Variants in ZWINT observed in about 807,000 individuals in gnomAD.
ZWINT encodes ZW10 interacting kinetochore protein.
ZWINT carries 41 observed loss-of-function variants against 41.5 expected under a neutral mutation model. That is an observed-to-expected ratio of 0.99 (90% confidence interval 0.77 to 1.28). The LOEUF (loss-of-function observed/expected upper bound fraction) is 1.28. ZWINT is among the 50% of genes most tolerant of loss of function. The pLI, the probability that ZWINT is intolerant of heterozygous loss-of-function variation, is 0.00. For missense variants in ZWINT, 369 were observed against 329.7 expected, an observed-to-expected ratio of 1.12 and a Z score of -0.92; for synonymous variants, 132 against 126.8, an observed-to-expected ratio of 1.04 and a Z score of -0.28.
rs369450138 is a variant in ZWINT, at chr10:56,358,509, T to C, written c.792+47A>G. 159 of 1,613,886 alleles carry C rather than the reference T, an allele frequency of 9.9e-5. No individual in the cohort carries two copies. The African/African-American group carries it at 2.0e-3, about 20-fold the overall frequency. ...TGGGTAAGGCCAATCTCCCAGCTTC[T>C]GTCTCCACCTGCCAGCCCATGCCCA... On this transcript the variant is annotated intron_variant, in intron 7 of 8. Transcript: ENST00000373944.
chr10:56,359,351 C>T (rs547502633), intron 5 of ZWINT, 125 bp downstream of exon 5: 41 of 858,402 alleles, frequency 4.8e-5, no homozygotes, highest in Non-Finnish European at 6.9e-5. Flanking sequence ...GAGATTCAAG[C>T]CCATGTTGGT....
Position 56,361,182 on chromosome 10 carries a change from C to A in ZWINT, c.41+14G>T, listed in dbSNP as rs775886595. ...AGGCCCGGCCCCAGCTGCCACTTAG[C>A]CGCAAACACTTACTCTAGGGCTGCA... On this transcript the variant is annotated intron_variant, in intron 1 of 8. Coordinates refer to ENST00000373944, the MANE Select transcript of ZWINT (RefSeq NM_007057.4). 8 of 1,613,196 alleles carry A rather than the reference C, an allele frequency of 5.0e-6. No individual in the cohort carries two copies. Among genetic ancestry groups the A allele is most frequent in the Non-Finnish European group, 6.8e-6 (8 of 1,179,936 alleles).
At chr10:56,360,497 G>A (rs1564452722) in intron 1 of ZWINT, 114 bp from the exon 2 acceptor site, 1 of 885,312 alleles carries the variant, frequency 1.1e-6, no homozygotes, top group Admixed American at 2.6e-5. Flanking sequence ...AGTATTGAGA[G>A]TCTTGCCTTG....
chr10:56,360,180 C>A (rs912056320), intron 2 of ZWINT, 39 bp from the exon 3 acceptor site: 1 of 1,612,882 alleles, frequency 6.2e-7, no homozygotes, highest in East Asian at 2.2e-5. Context: ...ACATCCTTAC[C>A]TCCTTACAGG....
chr10:56,361,225 C>T lies in ZWINT; in HGVS notation c.12G>A (p.Ala4=), dbSNP rs1175626949. ...GGGCTGCAGCTTCCGCCTCTGTCTCCGCTGCCTCCATCTTTCCAGGCGCCG... is the reference window on the plus strand; with the variant it reads ...GGGCTGCAGCTTCCGCCTCTGTCTCTGCTGCCTCCATCTTTCCAGGCGCCG... The part of the protein sequence containing the change: MEA[A]ETEAEAAALE... Residue 4 remains alanine, a synonymous_variant, in exon 1 of 9, where the codon GCG becomes GCA. Coordinates refer to ENST00000373944, the MANE Select transcript of ZWINT (RefSeq NM_007057.4). 3 of 1,612,770 alleles carry T rather than the reference C, an allele frequency of 1.9e-6. No homozygotes were observed. The highest frequency in any genetic ancestry group is 1.3e-5 in the African/African-American group (1 of 74,940).
In ZWINT at chr10:56,360,142, C is replaced by G. The variant is rs776059405; in HGVS notation, c.133-1G>C. ...GCAGCTTGTCTTTCTTCTGAGAGTC[C>G]TGCTCAGAGGGAGGGCAGAGACAGG... On this transcript the variant is annotated splice_acceptor_variant, in intron 2 of 8. Transcript: ENST00000373944. LOFTEE classifies it high-confidence loss of function. 1 of 1,613,922 alleles carries G rather than the reference C, an allele frequency of 6.2e-7. No homozygotes were observed. Among genetic ancestry groups the G allele is most frequent in the Non-Finnish European group, 8.5e-7 (1 of 1,180,032 alleles).
Position 56,357,916 on chromosome 10 carries a change from A to C in ZWINT, c.*311T>G. The C allele has an allele frequency of 2.6e-6, 1 of 378,796 alleles. No homozygotes were observed. The highest frequency in any genetic ancestry group is 5.2e-6 in the Non-Finnish European group (1 of 190,850). 23.5% of individuals were successfully genotyped at this position (378,796 alleles called of 1,614,324 possible). A position where few individuals can be genotyped will look rare whatever the true frequency, so the allele number is the denominator to read the frequency against. On this transcript the variant is annotated 3_prime_UTR_variant, in exon 9 of 9. Transcript: ENST00000373944. ...ATTAAATTCACCATGTCTGCATCAT[A>C]GGAGGCCCAAGGCCAGTACCCCCTC...
chr10:56,360,438 A>G, intron 1 of ZWINT, 55 bp from the exon 2 acceptor site: 1 of 1,456,886 alleles, frequency 6.9e-7, no homozygotes, highest in Middle Eastern at 1.7e-4. Context: ...CTAGTTCTAC[A>G]GTTCGTGTGT....
rs760615444 is a variant in ZWINT, at chr10:56,360,045, C to A, written c.229G>T (p.Asp77Tyr). 2 of 1,614,048 alleles carry A rather than the reference C, an allele frequency of 1.2e-6. No individual in the cohort carries two copies. The highest frequency in any genetic ancestry group is 3.3e-5 in the Admixed American group (2 of 60,026). The stretch of plus-strand genomic sequence containing the variant: ...CTCGTGTCTTCAGAAGCCAAGGGGT[C>A]GAGACCCTTAGCAGTGTCCTCCTGA... ...LAQEDTAKGL[D>Y]PLASEDTSRQ... The change falls in exon 3 of 9, where the codon GAC (aspartate) becomes TAC (tyrosine). Residue 77 changes from aspartate (D) to tyrosine (Y), a missense_variant. Coordinates refer to ENST00000373944, the MANE Select transcript of ZWINT (RefSeq NM_007057.4).
Position 56,361,251 on chromosome 10 carries a change from A to C in ZWINT, c.-15T>G. ...GCTGCCTCCATCTTTCCAGGCGCCG[A>C]GTTCAGCTGCCTTCCCACAATCCCT... On this transcript the variant is annotated 5_prime_UTR_variant, in exon 1 of 9. Transcript: ENST00000373944. 6.2e-7 allele frequency: 1 copy of C among 1,609,132 alleles called. No homozygotes were observed.
Position 56,358,168 on chromosome 10 carries a change from G to A in ZWINT, c.*59C>T, listed in dbSNP as rs1422962814. 1 of 739,074 alleles carries A rather than the reference G, an allele frequency of 1.4e-6. No individual in the cohort carries two copies. Among genetic ancestry groups the A allele is most frequent in the Non-Finnish European group, 2.5e-6 (1 of 392,548 alleles). 45.8% of individuals were successfully genotyped at this position (739,074 alleles called of 1,614,324 possible). A position where few individuals can be genotyped will look rare whatever the true frequency, so the allele number is the denominator to read the frequency against. ...TCTTTCCTGTAATGATGGTTGGGAG[G>A]TGAGGGAAGTCAGAGGCCTGGGGAA... On this transcript the variant is annotated 3_prime_UTR_variant, in exon 9 of 9. Transcript: ENST00000373944.
At chr10:56,358,351 A>T (rs752435348) in intron 8 of ZWINT, 26 bp downstream of exon 8, 18 of 1,581,850 alleles carry the variant, frequency 1.1e-5, no homozygotes, top group Non-Finnish European at 1.6e-5. Flanking sequence ...CAGTCCAGGG[A>T]CACCAAGGCC....
At position 56,359,744 on chromosome 10, in the gene ZWINT, C is replaced by T. The variant is rs371918981; in HGVS notation, c.366G>A (p.Glu122=). The change falls in exon 4 of 9, where the codon GAG becomes GAA. Residue 122 remains glutamate (E), a synonymous_variant. Coordinates refer to ENST00000373944, the MANE Select transcript of ZWINT (RefSeq NM_007057.4). ...IGLTKALTQM[E]EAQRKRTQLR... ...GTTGTGTCCGTTTCCTCTGGGCTTC[C>T]TCCATCTGAGTCAGGGCCTTGGTGA... The T allele has an allele frequency of 5.8e-5, 94 of 1,614,070 alleles. No individual in the cohort carries two copies. Among genetic ancestry groups the T allele is most frequent in the Non-Finnish European group, 7.7e-5 (91 of 1,180,048 alleles).
Position 56,358,811 on chromosome 10 carries a change from A to C in ZWINT, c.617T>G (p.Leu206Arg), listed in dbSNP as rs1458797899. Reference protein sequence around the residue: ...KQQAEQERDKLQRYQTFLQLL... With the variant: ...KQQAEQERDKRQRYQTFLQLL... Reference sequence around the variant, plus strand: ...CCCATGCTCCCGAACTTACCTCTGCAGCTTGTCCCGCTCCTGTTCTGCCTG... The same window carrying C: ...CCCATGCTCCCGAACTTACCTCTGCCGCTTGTCCCGCTCCTGTTCTGCCTG... Residue 206 changes from leucine to arginine, a missense_variant, in exon 6 of 9, where the codon CTG becomes CGG. Transcript: ENST00000373944. The C allele has an allele frequency of 6.2e-7, 1 of 1,614,080 alleles. No individual in the cohort carries two copies. The highest frequency in any genetic ancestry group is 8.5e-7 in the Non-Finnish European group (1 of 1,180,018).
In ZWINT at chr10:56,358,905, T is replaced by G. The variant is rs1838245244; in HGVS notation, c.523A>C (p.Arg175=). Residue 175 remains arginine (R), a synonymous_variant, in exon 6 of 9, where the codon AGG becomes CGG. Coordinates refer to ENST00000373944, the MANE Select transcript of ZWINT (RefSeq NM_007057.4). ...QHLAEVSAEV[R]ERKTGTQQEL... ...TGCTGAGTCCCTGTCTTACGCTCCC[T>G]CACCTCTGCAGAAACCTCCGCCAGA... 6.2e-7 allele frequency: 1 copy of G among 1,614,112 alleles called. No homozygotes were observed. Among genetic ancestry groups the G allele is most frequent in the East Asian group, 2.2e-5 (1 of 44,848 alleles).
At chr10:56,359,363 T>G in intron 5 of ZWINT, 113 bp downstream of exon 5, 1 of 966,728 alleles carries the variant, frequency 1.0e-6, no homozygotes, top group Non-Finnish European at 1.5e-6. Flanking sequence ...CATGTTGGTA[T>G]TTATATTATA....
intron 1 of ZWINT, among the ~76,000 whole-genome samples, 154 bp from the exon 2 acceptor site, chr10:56,360,537 C>A (rs1368650682): frequency 6.6e-6 from 1 of 152,176 alleles, no homozygotes; most frequent in Non-Finnish European, 1.5e-5. Flanking sequence ...CCTGAAGGGT[C>A]CACAGCCTGC....
chr10:56,358,358 G>A lies in ZWINT; in HGVS notation c.*41+19C>T, dbSNP rs764017923. The A allele has an allele frequency of 5.6e-6, 9 of 1,601,814 alleles. No homozygotes were observed. The highest frequency in any genetic ancestry group is 6.8e-6 in the Non-Finnish European group (8 of 1,168,926). ...CACACTTGCAGTCCAGGGACACCAA[G>A]GCCTGAGTTGGGTCTGACCTTTTCT... On this transcript the variant is annotated intron_variant, in intron 8 of 8. Coordinates refer to ENST00000373944, the MANE Select transcript of ZWINT (RefSeq NM_007057.4).
In ZWINT at chr10:56,361,257, G is replaced by C. The variant is rs1297998641; in HGVS notation, c.-21C>G. On this transcript the variant is annotated 5_prime_UTR_variant, in exon 1 of 9. Coordinates refer to ENST00000373944, the MANE Select transcript of ZWINT (RefSeq NM_007057.4). ...TCCATCTTTCCAGGCGCCGAGTTCA[G>C]CTGCCTTCCCACAATCCCTAAGATT... The C allele has an allele frequency of 6.2e-7, 1 of 1,608,436 alleles. No individual in the cohort carries two copies. The highest frequency in any genetic ancestry group is 1.3e-5 in the African/African-American group (1 of 75,032).
Sources: allele counts gnomAD v4.1 joint callset (sites outside exome capture counted in the v4.1 genomes callset), GRCh38; gene constraint gnomAD v4.1.1; transcripts MANE v1.5; gene names NCBI Gene and HGNC (gene_info 2026-07-23, HGNC 2026-07-21).